The following CFAP77 variants were observed in gnomAD, a reference collection of about 807,000 sequenced individuals.
CFAP77 encodes the protein cilia- and flagella-associated protein 77.
CFAP77 carries 25 observed loss-of-function variants against 31.1 expected under a neutral mutation model. That is an observed-to-expected ratio of 0.80 (90% CI 0.59 to 1.12). The LOEUF is 1.12. Ranked by LOEUF, CFAP77 falls within the 50% of genes most tolerant of loss-of-function variation. The pLI, the probability that CFAP77 is intolerant of heterozygous loss-of-function variation, is 0.00. For missense variants in CFAP77, 377 were observed against 397.3 expected (o/e 0.95, Z 0.44); for synonymous variants, 151 against 159.9 (o/e 0.94, Z 0.42).
chr9:132,442,115 C>T (rs1420790734), intron 1 of CFAP77, among the ~76,000 whole-genome samples: 1 of 152,080 alleles, frequency 6.6e-6, no homozygotes, highest in African/African-American at 2.4e-5. Context: ...CAGACATAGC[C>T]CCCGCCCTCC....
intron 1 of CFAP77, among the ~76,000 whole-genome samples, chr9:132,486,070 A>C (rs1280661609): frequency 9.3e-5 from 1 of 10,780 alleles, no homozygotes; most frequent in Non-Finnish European, 1.3e-4. Context: ...GTGTGTGTAT[A>C]TATATATATA....
chr9:132,467,599 A>G (rs906647838), intron 1 of CFAP77, among the ~76,000 whole-genome samples: 4 of 152,140 alleles, frequency 2.6e-5, no homozygotes, highest in Non-Finnish European at 4.4e-5. Flanking sequence ...TCTTCCATCG[A>G]TGGACACTTG....
intron 1 of CFAP77, among the ~76,000 whole-genome samples, chr9:132,463,399 C>T (rs498495): frequency 0.27 from 40,319 of 151,988 alleles, 5,890 homozygotes; most frequent in East Asian, 0.41. Flanking sequence ...TATTTTATGG[C>T]ACATCTGGGT....
intron 1 of CFAP77, among the ~76,000 whole-genome samples, chr9:132,451,385 T>G (rs1477498872): frequency 6.6e-6 from 1 of 150,846 alleles, no homozygotes; most frequent in African/African-American, 2.4e-5. Flanking sequence ...ATGTGGGTAG[T>G]CGGTCTGCCA....
chr9:132,457,071 C>T (rs1372593729), intron 1 of CFAP77, among the ~76,000 whole-genome samples: 4 of 152,160 alleles, frequency 2.6e-5, no homozygotes, highest in Non-Finnish European at 5.9e-5. Flanking sequence ...CTGGCCCCTA[C>T]TGGGACAGCA....
At position 132,459,420 on chromosome 9, in the gene CFAP77, GGTGTGTGTGTGT is replaced by G. The variant is rs112825234; in HGVS notation, c.196-39252_196-39241del. Among the ~76,000 whole-genome samples, 59 of 143,978 alleles carry G rather than the reference GGTGTGTGTGTGT, an allele frequency of 4.1e-4. 1 individual carries two copies. The East Asian group carries it at 0.011, about 26-fold the overall frequency. 94.5% of individuals were successfully genotyped at this position (143,978 alleles called of 152,430 possible). On this transcript the variant is annotated intron_variant, in intron 1 of 5. Transcript: ENST00000393216. The stretch of plus-strand genomic sequence containing the variant: ...CACCTAATGTGGCCTGGATGAATAG[GGTGTGTGTGTGT>G]GTGTGTGTGTGTGTGTGTGTGTATG...
At chr9:132,549,211 G>C (rs1852783998) in intron 5 of CFAP77, among the ~76,000 whole-genome samples, 1 of 152,176 alleles carries the variant, frequency 6.6e-6, no homozygotes, top group Non-Finnish European at 1.5e-5. Flanking sequence ...CTCTCCACAA[G>C]GCTTGTCCAG....
intron 1 of CFAP77, among the ~76,000 whole-genome samples, chr9:132,438,516 ATGG>A: frequency 8.0e-6 from 1 of 125,250 alleles, no homozygotes; most frequent in African/African-American, 3.1e-5. Context: ...GGGAACAGAT[ATGG>A]TATATATATA....
intron 3 of CFAP77, among the ~76,000 whole-genome samples, chr9:132,531,524 TG>T (rs1216427777): frequency 7.3e-6 from 1 of 137,814 alleles, no homozygotes; most frequent in African/African-American, 2.7e-5. Context: ...GAAGACGAGG[TG>T]GGGGATGGCA....
chr9:132,570,026 C>T (rs1829937313), intron 5 of CFAP77, among the ~76,000 whole-genome samples: 1 of 152,168 alleles, frequency 6.6e-6, no homozygotes, highest in South Asian at 2.1e-4. Context: ...AGCCACTGCT[C>T]CCAGCCTCTA....
intron 5 of CFAP77, among the ~76,000 whole-genome samples, chr9:132,544,745 C>G (rs1006429820): frequency 2.0e-5 from 3 of 152,154 alleles, no homozygotes; most frequent in Non-Finnish European, 4.4e-5. Flanking sequence ...ATCCTCCTGC[C>G]TGGACCTCCC....
intron 1 of CFAP77, among the ~76,000 whole-genome samples, chr9:132,485,172 C>T (rs950929009): frequency 2.6e-5 from 4 of 152,156 alleles, no homozygotes; most frequent in African/African-American, 9.7e-5. Context: ...CAAATGGAGA[C>T]GGAGCTGCTG....
chr9:132,521,052 C>T (rs377153796), intron 3 of CFAP77, among the ~76,000 whole-genome samples: 2 of 152,380 alleles, frequency 1.3e-5, no homozygotes, highest in East Asian at 3.9e-4. Flanking sequence ...CTGGCTCCTC[C>T]AGCCTGTCCT....
At chr9:132,413,334 C>G (rs965824355) in intron 1 of CFAP77, among the ~76,000 whole-genome samples, 2 of 152,162 alleles carry the variant, frequency 1.3e-5, no homozygotes, top group African/African-American at 4.8e-5. Flanking sequence ...TCTACAGATG[C>G]TCAACAACCA....
rs762813648 is a variant in CFAP77, at chr9:132,449,893, AGTTTTTTTGTTT to A, written c.195+39432_195+39443del. ...GGTTGAATTTCCAGGGATGATTAAGAGTTTTTTTGTTTGTTTGTTTGTTTGTTTGTTTGTTTT... is the reference window on the plus strand; with the variant it reads ...GGTTGAATTTCCAGGGATGATTAAGAGTTTGTTTGTTTGTTTGTTTGTTTT... On this transcript the variant is annotated intron_variant, in intron 1 of 5. Transcript: ENST00000393216. Among the ~76,000 whole-genome samples, 218 of 135,860 alleles carry A rather than the reference AGTTTTTTTGTTT, an allele frequency of 1.6e-3. 2 individuals carry two copies. The East Asian group carries it at 0.034, about 21-fold the overall frequency. The allele number at this position is 135,860 out of a possible 152,430, so 89.1% of individuals were successfully genotyped here.
intron 3 of CFAP77, among the ~76,000 whole-genome samples, chr9:132,502,804 C>A (rs888073827): frequency 1.3e-5 from 2 of 152,150 alleles, no homozygotes; most frequent in African/African-American, 4.8e-5. Context: ...GCTTTCAGTT[C>A]TTTTGGGTGT....
intron 1 of CFAP77, among the ~76,000 whole-genome samples, chr9:132,471,482 A>G (rs1357839671): frequency 2.0e-5 from 3 of 151,954 alleles, no homozygotes; most frequent in African/African-American, 4.8e-5. Flanking sequence ...CATCAAGTGA[A>G]TGGCCACCCC....
intron 1 of CFAP77, among the ~76,000 whole-genome samples, chr9:132,488,516 G>C (rs998349714): frequency 3.3e-5 from 5 of 152,224 alleles, no homozygotes; most frequent in Non-Finnish European, 2.9e-5. Context: ...GGTGGGAAAT[G>C]ATTAGACTTG....
At chr9:132,569,817 C>T (rs995504214) in intron 5 of CFAP77, among the ~76,000 whole-genome samples, 1 of 149,142 alleles carries the variant, frequency 6.7e-6, no homozygotes, top group African/African-American at 2.5e-5. Flanking sequence ...CTCACTGCAA[C>T]CTCCGCCTCC....
Sources: gnomAD v4.1 joint callset for allele counts (sites outside exome capture counted in the v4.1 genomes callset) on GRCh38, gnomAD v4.1.1 for gene constraint, MANE v1.5 for transcripts, NCBI Gene and HGNC (gene_info 2026-07-23, HGNC 2026-07-21) for gene names.